Variants in ST14 observed in about 807,000 individuals in gnomAD.
The protein encoded by ST14 is suppressor of tumorigenicity 14 protein.
A neutral mutation model predicts 96.5 loss-of-function variants in ST14; 40 were observed. The observed-to-expected ratio is 0.41, with a 90% CI of 0.32 to 0.54. The LOEUF is 0.54. ST14 is among the 20% of genes least tolerant of loss of function. The pLI is 0.17. For synonymous variants in ST14, 506 were observed against 492.1 expected, an observed-to-expected ratio of 1.03 and a Z score of -0.37; for missense variants, 1,066 against 1,188.9, an observed-to-expected ratio of 0.90 and a Z score of 1.52.
intron 16 of ST14, among the ~76,000 whole-genome samples, chr11:130,205,709 T>G (rs1007963989): frequency 1.9e-4 from 18 of 94,600 alleles, no homozygotes; most frequent in South Asian, 4.9e-4. Flanking sequence ...GTTTTTTTTT[T>G]TGTTTTTTTT....
chr11:130,188,462 G>C lies in ST14; in HGVS notation c.242-68G>C. ...CCCCTCCTGGCATTCATTCCCCATT[G>C]TGGACGGCGAGGGACAGGCGGGGGT... On this transcript the variant is annotated intron_variant, in intron 2 of 18. Transcript: ENST00000278742. This position sits in a 1 kb window ranked among gnomAD's most constrained non-coding sequence, Gnocchi z 5.4. The C allele has an allele frequency of 1.2e-6, 2 of 1,610,740 alleles. No individual in the cohort carries two copies. Among genetic ancestry groups the C allele is most frequent in the Non-Finnish European group, 1.7e-6 (2 of 1,179,510 alleles).
chr11:130,206,929 T>A (rs184147196), intron 16 of ST14, among the ~76,000 whole-genome samples: 30 of 152,296 alleles, frequency 2.0e-4, no homozygotes, highest in African/African-American at 7.0e-4. Flanking sequence ...TCTTTTGAAA[T>A]TACTTTTTAG....
chr11:130,191,316 A>G (rs1953296865), intron 7 of ST14, among the ~76,000 whole-genome samples: 1 of 152,172 alleles, frequency 6.6e-6, no homozygotes, highest in Non-Finnish European at 1.5e-5. Flanking sequence ...TGGGCAACAG[A>G]GAAAGAACCT....
At chr11:130,198,021 A>C in intron 12 of ST14, 76 bp downstream of exon 12, 2 of 1,443,482 alleles carry the variant, frequency 1.4e-6, no homozygotes, top group East Asian at 4.9e-5. Flanking sequence ...CTGCTGGCTG[A>C]CTGCCGAGGC....
chr11:130,169,644 G>A (rs769397604), intron 1 of ST14, among the ~76,000 whole-genome samples: 3 of 152,224 alleles, frequency 2.0e-5, no homozygotes, highest in South Asian at 2.1e-4. Context: ...TAAGATCCGC[G>A]GATGATACTG....
chr11:130,194,416 C>CCTCTGCTGCTGACCT, intron 8 of ST14, 128 bp downstream of exon 8: 1 of 1,408,310 alleles, frequency 7.1e-7, no homozygotes, highest in Non-Finnish European at 9.8e-7. Context: ...CCTAGGTCAG[C>CCTCTGCTGCTGACCT]AGCAGAGGCT....
In ST14 at chr11:130,182,361, G is replaced by A. The variant is rs372445887; in HGVS notation, c.82-5753G>A. ...GATGAGGTTTTGCTGTCTCTGTCTCGCCCAGGCAGGAGGGCAGTGGCATGA... is the reference window on the plus strand; with the variant it reads ...GATGAGGTTTTGCTGTCTCTGTCTCACCCAGGCAGGAGGGCAGTGGCATGA... On this transcript the variant is annotated intron_variant, in intron 1 of 18. Coordinates refer to ENST00000278742, the MANE Select transcript of ST14 (RefSeq NM_021978.4). Among the ~76,000 whole-genome samples, 350 of 148,196 alleles carry A rather than the reference G, an allele frequency of 2.4e-3. 4 individuals carry two copies. Among genetic ancestry groups the A allele is most frequent in the South Asian group, 0.013 (62 of 4,704 alleles).
chr11:130,168,949 A>G (rs1953064285), intron 1 of ST14, among the ~76,000 whole-genome samples: 1 of 152,102 alleles, frequency 6.6e-6, no homozygotes, highest in African/African-American at 2.4e-5. Flanking sequence ...TGGCACCTCC[A>G]TGCCATGAAA....
chr11:130,190,359 A>T (rs1403806826), intron 6 of ST14, 95 bp from the exon 7 acceptor site: 27 of 1,576,540 alleles, frequency 1.7e-5, no homozygotes, highest in Non-Finnish European at 2.2e-5. Context: ...CGAAGGGGCG[A>T]GGCCTGAGGT....
chr11:130,191,841 G>A (rs1469044875), intron 7 of ST14, among the ~76,000 whole-genome samples: 2 of 152,212 alleles, frequency 1.3e-5, no homozygotes, highest in Non-Finnish European at 2.9e-5. Context: ...ACTTGGGCCT[G>A]GGGTGGTTAG....
intron 17 of ST14, 139 bp downstream of exon 17, chr11:130,208,823 G>A (rs1412687987): frequency 3.5e-6 from 4 of 1,135,956 alleles, no homozygotes; most frequent in African/African-American, 3.1e-5. Context: ...TGTCCAGGGC[G>A]GAATGGAGGC....
Position 130,187,178 on chromosome 11 carries a change from GT to G in ST14, c.82-935del, listed in dbSNP as rs757300644. On this transcript the variant is annotated intron_variant, in intron 1 of 18. Coordinates refer to ENST00000278742, the MANE Select transcript of ST14 (RefSeq NM_021978.4). This position sits in a 1 kb window ranked among gnomAD's most constrained non-coding sequence, Gnocchi z 4.5. ...TTGCTTTTGTTGTGAGCCGTATTGA[GT>G]GGGCGTGAGGTAGTTAAACTGAGAG... 2.0e-5 allele frequency among the ~76,000 whole-genome samples: 3 copies of G among 152,128 alleles called. No individual in the cohort carries two copies. The highest frequency in any genetic ancestry group is 4.4e-5 in the Non-Finnish European group (3 of 68,036).
At chr11:130,196,937 G>T in intron 11 of ST14, 1 of 601,300 alleles carries the variant, frequency 1.7e-6, no homozygotes, top group Admixed American at 2.6e-5. Context: ...CCCAGCATGA[G>T]GTACCTGCGG....
intron 4 of ST14, 126 bp downstream of exon 4, chr11:130,189,065 G>T (rs1196687936): frequency 2.0e-6 from 2 of 1,019,822 alleles, no homozygotes; most frequent in African/African-American, 3.2e-5. Flanking sequence ...GCCAAGGAGG[G>T]TCCTCGCTGT....
At chr11:130,177,996 G>A (rs1265591095) in intron 1 of ST14, among the ~76,000 whole-genome samples, 1 of 152,176 alleles carries the variant, frequency 6.6e-6, no homozygotes, top group African/African-American at 2.4e-5. Flanking sequence ...GGCGCGAGCC[G>A]CATGGAGTTC....
intron 1 of ST14, among the ~76,000 whole-genome samples, chr11:130,184,813 T>C (rs1953223417): frequency 6.6e-6 from 1 of 152,214 alleles, no homozygotes; most frequent in African/African-American, 2.4e-5. Context: ...AGAAGGGGAA[T>C]GAGTCTCTTC....
chr11:130,198,815 G>C, intron 14 of ST14, 132 bp from the exon 15 acceptor site: 1 of 1,578,844 alleles, frequency 6.3e-7, no homozygotes, highest in South Asian at 1.1e-5. Context: ...AGGGAGGCCA[G>C]TGGGCGTGGG....
At chr11:130,177,380 T>C (rs1344777839) in intron 1 of ST14, among the ~76,000 whole-genome samples, 1 of 151,622 alleles carries the variant, frequency 6.6e-6, no homozygotes, top group Non-Finnish European at 1.5e-5. Context: ...CTGGCAAACA[T>C]GGTGAAACCC....
chr11:130,188,248 C>T lies in ST14; in HGVS notation c.216C>T (p.Ile72=), dbSNP rs545094765. 33 of 1,613,838 alleles carry T rather than the reference C, an allele frequency of 2.0e-5. No individual in the cohort carries two copies. Among genetic ancestry groups the T allele is most frequent in the Middle Eastern group, 1.7e-4 (1 of 6,058 alleles). Residue 72 remains isoleucine, a synonymous_variant, in exon 2 of 19, where the codon ATC becomes ATT. Coordinates refer to ENST00000278742, the MANE Select transcript of ST14 (RefSeq NM_021978.4). The surrounding 1 kb of genome is among the most constrained non-coding windows in gnomAD (Gnocchi z 5.4). The part of the protein sequence containing the change: ...LIGLLLVLLG[I]GFLVWHLQYR... ...GCCTCCTCTTGGTCTTGCTGGGGATCGGCTTCCTGGTGTGGCATTTGCAGT... is the reference window on the plus strand; with the variant it reads ...GCCTCCTCTTGGTCTTGCTGGGGATTGGCTTCCTGGTGTGGCATTTGCAGT...
Sources: gnomAD v4.1 joint callset for allele counts (sites outside exome capture counted in the v4.1 genomes callset) on GRCh38, gnomAD v4.1.1 for gene constraint, Gnocchi (gnomAD v3.1) non-coding constraint, MANE v1.5 for transcripts, NCBI Gene and HGNC (gene_info 2026-07-23, HGNC 2026-07-21) for gene names.